Variants in ADGRL3 observed in about 807,000 individuals in gnomAD.
ADGRL3 encodes calcium-independent alpha-latrotoxin receptor 3.
In ADGRL3, 62 loss-of-function variants were observed where a neutral mutation model predicts 153.5. The ratio of observed to expected loss-of-function variants is 0.40; its 90% CI spans 0.33 to 0.50. The LOEUF (loss-of-function observed/expected upper bound fraction) is 0.50, where lower values mean the gene tolerates loss of function less well. Ranked by LOEUF, ADGRL3 falls within the 20% of genes least tolerant of loss-of-function variation. The pLI is 0.47. For synonymous variants in ADGRL3, 710 were observed against 672.5 expected (o/e 1.06, Z -0.86); for missense variants, 1,641 against 1,859.4 (o/e 0.88, Z 2.16).
chr4:61,457,858 A>C (rs946683373), intron 2 of ADGRL3, among the ~76,000 whole-genome samples: 6 of 146,102 alleles, frequency 4.1e-5, no homozygotes, highest in African/African-American at 1.6e-4. Flanking sequence ...TGACAGATAG[A>C]TAGATAGATA....
intron 7 of ADGRL3, among the ~76,000 whole-genome samples, chr4:61,731,259 G>T (rs2096436857): frequency 6.6e-6 from 1 of 151,902 alleles, no homozygotes; most frequent in Non-Finnish European, 1.5e-5. Flanking sequence ...AAAACTTTGG[G>T]CATTTTAGTA....
At chr4:61,343,545 G>A (rs566228361) in intron 1 of ADGRL3, among the ~76,000 whole-genome samples, 1 of 152,234 alleles carries the variant, frequency 6.6e-6, no homozygotes, top group South Asian at 2.1e-4. Context: ...TATATAACCT[G>A]TGGCAAGTCA....
chr4:61,726,199 C>CTTTTTTTTTTTTTTTTTTT (rs1012113549), intron 6 of ADGRL3, among the ~76,000 whole-genome samples: 4 of 82,992 alleles, frequency 4.8e-5, no homozygotes, highest in Admixed American at 1.4e-4. Context: ...CTCACTGGAA[C>CTTTTTTTTTTTTTTTTTTT]TTTTTTTTTT....
In ADGRL3 at chr4:61,447,305, A is replaced by G. The variant is rs562864653; in HGVS notation, c.-173-49816A>G. Among the ~76,000 whole-genome samples the G allele has an allele frequency of 2.7e-4, 41 of 152,290 alleles. No individual in the cohort carries two copies. In the South Asian group the frequency reaches 6.4e-3, roughly 24 times the overall value. On this transcript the variant is annotated intron_variant, in intron 2 of 26. Transcript: ENST00000683033. ...CCCTGCACTTTGTATTTTATAATCCAGTATTGATTTTCAATGGATTCAGTG... is the reference window on the plus strand; with the variant it reads ...CCCTGCACTTTGTATTTTATAATCCGGTATTGATTTTCAATGGATTCAGTG...
At chr4:61,979,816 C>CA (rs1487339182) in intron 18 of ADGRL3, 44 bp downstream of exon 18, 1 of 1,486,310 alleles carries the variant, frequency 6.7e-7, no homozygotes, top group East Asian at 2.3e-5. Context: ...TTTCCACTTC[C>CA]AGCTTTTCAG....
intron 1 of ADGRL3, among the ~76,000 whole-genome samples, chr4:61,371,867 C>A (rs912878539): frequency 6.6e-6 from 1 of 152,160 alleles, no homozygotes; most frequent in Non-Finnish European, 1.5e-5. Flanking sequence ...TTCAGGTACA[C>A]CAAGCAGATG....
At chr4:61,482,709 A>G (rs1164990499) in intron 2 of ADGRL3, among the ~76,000 whole-genome samples, 1 of 152,170 alleles carries the variant, frequency 6.6e-6, no homozygotes, top group African/African-American at 2.4e-5. Context: ...ATTTTAGGAA[A>G]TGTTATAATT....
chr4:61,708,435 G>A (rs1013530295), intron 6 of ADGRL3, among the ~76,000 whole-genome samples: 2 of 151,160 alleles, frequency 1.3e-5, no homozygotes, highest in African/African-American at 2.4e-5. Flanking sequence ...GTTTTTAAAG[G>A]TACTTTAAAA....
intron 22 of ADGRL3, among the ~76,000 whole-genome samples, chr4:62,029,220 CTGT>C (rs1210647122): frequency 4.6e-5 from 7 of 151,596 alleles, no homozygotes; most frequent in Non-Finnish European, 1.0e-4. Flanking sequence ...GTCCGCTTTT[CTGT>C]TGTTTGTTTG....
chr4:61,302,645 A>G (rs2094617698), intron 1 of ADGRL3, among the ~76,000 whole-genome samples: 1 of 152,096 alleles, frequency 6.6e-6, no homozygotes, highest in South Asian at 2.1e-4. Context: ...CATTATGCAT[A>G]TTAATATTTT....
rs2099126436 is a variant in ADGRL3 at position 61,997,658 on chromosome 4, G to A, written c.3304-516G>A. Among the ~76,000 whole-genome samples the A allele has an allele frequency of 5.9e-5, 9 of 152,032 alleles. No homozygotes were observed. The South Asian group carries it at 1.9e-3, about 32-fold the overall frequency. On this transcript the variant is annotated intron_variant, in intron 20 of 26. Coordinates refer to ENST00000683033, the MANE Select transcript of ADGRL3 (RefSeq NM_001387552.1). ...TTTCCAGTGATATGACAATACCATT[G>A]GGGGTTTCCTTTACTTTAGTCCTCA...
At chr4:61,548,816 G>T (rs914357693) in intron 4 of ADGRL3, among the ~76,000 whole-genome samples, 1 of 151,690 alleles carries the variant, frequency 6.6e-6, no homozygotes, top group Non-Finnish European at 1.5e-5. Context: ...GCTATTTTTT[G>T]GTTCCATGTG....
chr4:61,764,476 T>G (rs2096952197), intron 8 of ADGRL3, among the ~76,000 whole-genome samples: 1 of 149,582 alleles, frequency 6.7e-6, no homozygotes, highest in African/African-American at 2.5e-5. Flanking sequence ...TGGGGATGCT[T>G]TTGGAGCCAG....
intron 1 of ADGRL3, among the ~76,000 whole-genome samples, chr4:61,220,670 A>G (rs948816652): frequency 6.6e-6 from 1 of 152,108 alleles, no homozygotes; most frequent in Non-Finnish European, 1.5e-5. Flanking sequence ...TTTTTACAAG[A>G]TTGACATTGC....
At chr4:62,011,051 T>G (rs529463670) in intron 21 of ADGRL3, among the ~76,000 whole-genome samples, 1 of 152,260 alleles carries the variant, frequency 6.6e-6, no homozygotes, top group African/African-American at 2.4e-5. Context: ...TTTTAGCTTA[T>G]TTATTTTAGC....
At chr4:61,758,514 C>G (rs939238859) in intron 8 of ADGRL3, among the ~76,000 whole-genome samples, 1 of 151,926 alleles carries the variant, frequency 6.6e-6, no homozygotes, top group East Asian at 1.9e-4. Flanking sequence ...CTGCCTTTTT[C>G]TGTTTTCCAT....
rs1251275788 is a variant in ADGRL3, at chr4:61,756,936, A to AT, written c.1399+23383dup. ...CTGGATTACGTTTATTGATTTGCATATGTTAAACCAGACTTGTATCCCAGG... is the reference window on the plus strand; with the variant it reads ...CTGGATTACGTTTATTGATTTGCATATTGTTAAACCAGACTTGTATCCCAGG... On this transcript the variant is annotated intron_variant, in intron 8 of 26. Coordinates refer to ENST00000683033, the MANE Select transcript of ADGRL3 (RefSeq NM_001387552.1). 2.0e-5 allele frequency among the ~76,000 whole-genome samples: 3 copies of AT among 152,188 alleles called. No homozygotes were observed. The East Asian group carries it at 5.8e-4, about 29-fold the overall frequency.
intron 5 of ADGRL3, among the ~76,000 whole-genome samples, chr4:61,670,385 G>T (rs1018480541): frequency 2.0e-5 from 3 of 152,026 alleles, no homozygotes; most frequent in Admixed American, 2.0e-4. Flanking sequence ...TATTATGTGA[G>T]AATTTTTAAA....
chr4:61,326,008 A>G (rs1181615088), intron 1 of ADGRL3, among the ~76,000 whole-genome samples: 3 of 152,212 alleles, frequency 2.0e-5, no homozygotes, highest in African/African-American at 7.2e-5. Flanking sequence ...ATGATTGCAC[A>G]GGTGAGGAAT....
Sources: allele counts gnomAD v4.1 joint callset (sites outside exome capture counted in the v4.1 genomes callset), GRCh38; gene constraint gnomAD v4.1.1; transcripts MANE v1.5; gene names NCBI Gene and HGNC (gene_info 2026-07-23, HGNC 2026-07-21).